Variants in HPS5 observed in about 807,000 individuals in gnomAD.
HPS5 encodes the protein HPS5 biogenesis of lysosomal organelles complex 2 subunit 2.
In HPS5, 83 loss-of-function variants were observed where a neutral mutation model predicts 128.0. The observed-to-expected ratio is 0.65, with a 90% confidence interval of 0.54 to 0.78. The LOEUF is 0.78. HPS5 is among the 30% of genes least tolerant of loss of function. The pLI is 0.00. For missense variants in HPS5, 1,281 were observed against 1,326.2 expected (o/e 0.97, Z 0.53); for synonymous variants, 475 against 470.2 (o/e 1.01, Z -0.13).
intron 7 of HPS5, among the ~76,000 whole-genome samples, chr11:18,305,751 G>C (rs1253162439): frequency 1.5e-5 from 1 of 66,918 alleles, no homozygotes; most frequent in African/African-American, 5.7e-5. Flanking sequence ...TTTTTTTTTT[G>C]AGACGGAGTC....
At chr11:18,288,665 AG>A (rs1158621565) in intron 16 of HPS5, among the ~76,000 whole-genome samples, 1 of 151,754 alleles carries the variant, frequency 6.6e-6, no homozygotes, top group Non-Finnish European at 1.5e-5. Context: ...TTAGTTTTTT[AG>A]AAACAGGGTC....
At chr11:18,290,836 C>T (rs1319947223) in intron 16 of HPS5, among the ~76,000 whole-genome samples, 3 of 152,160 alleles carry the variant, frequency 2.0e-5, no homozygotes, top group African/African-American at 7.2e-5. Context: ...GCAGGAGGAT[C>T]GCTTGAACCC....
intron 8 of HPS5, among the ~76,000 whole-genome samples, chr11:18,303,946 G>T (rs2134408984): frequency 6.6e-6 from 1 of 151,554 alleles, no homozygotes; most frequent in East Asian, 1.9e-4. Context: ...TCTATCATGT[G>T]CCAGGCATTA....
chr11:18,295,475 G>T (rs1306550085), intron 13 of HPS5, among the ~76,000 whole-genome samples: 5 of 152,168 alleles, frequency 3.3e-5, no homozygotes, highest in Non-Finnish European at 7.3e-5. Context: ...GTGATCATCA[G>T]CCCCATTCTG....
chr11:18,319,135 T>G (rs1364734608), intron 1 of HPS5, among the ~76,000 whole-genome samples: 2 of 152,100 alleles, frequency 1.3e-5, no homozygotes, highest in African/African-American at 4.8e-5. Context: ...CTTCCCTCAT[T>G]GTTTTCACTC....
chr11:18,293,900 G>A (rs1403993976), intron 14 of HPS5, among the ~76,000 whole-genome samples: 1 of 151,702 alleles, frequency 6.6e-6, no homozygotes, highest in Non-Finnish European at 1.5e-5. Flanking sequence ...ATAGAAGGCT[G>A]CATTAAATGC....
intron 3 of HPS5, 68 bp from the exon 4 acceptor site, chr11:18,311,519 T>TTTC: frequency 1.1e-6 from 1 of 935,036 alleles, no homozygotes; most frequent in East Asian, 3.3e-5. Context: ...TTATTTTTTT[T>TTTC]TTTTTTTTTG....
At chr11:18,306,462 T>G in intron 6 of HPS5, 115 bp from the exon 7 acceptor site, 1 of 691,006 alleles carries the variant, frequency 1.4e-6, no homozygotes, top group South Asian at 1.6e-5. Flanking sequence ...TCTCCTTCAT[T>G]CATATTAGCA....
chr11:18,297,416 C>T (rs1014615020), intron 11 of HPS5, 143 bp downstream of exon 11: 2 of 708,406 alleles, frequency 2.8e-6, no homozygotes, highest in East Asian at 5.3e-5. Flanking sequence ...AGCTGAGCCA[C>T]TAGCTGAACA....
intron 8 of HPS5, among the ~76,000 whole-genome samples, 165 bp from the exon 9 acceptor site, chr11:18,301,081 A>G (rs183672021): frequency 6.6e-6 from 1 of 152,326 alleles, no homozygotes; most frequent in East Asian, 1.9e-4. Context: ...TTCTGTCTGT[A>G]ACAACAGCCC....
intron 3 of HPS5, 62 bp from the exon 4 acceptor site, chr11:18,311,513 T>TTA (rs1554944921): frequency 3.9e-5 from 24 of 608,532 alleles, no homozygotes; most frequent in Non-Finnish European, 5.8e-5. Context: ...TTATTATTAT[T>TTA]TTTTTTTTTT....
rs1343963428 is a variant in HPS5, at chr11:18,296,790, T to C, written c.1510+8A>G. 5.0e-6 allele frequency: 8 copies of C among 1,613,444 alleles called. No individual in the cohort carries two copies. The Admixed American group carries it at 8.3e-5, about 17-fold the overall frequency. ...ACATCAGGAACCAACAACAGACACATTCATCACCTTCATTTCCGTGTGAGC... is the reference window on the plus strand; with the variant it reads ...ACATCAGGAACCAACAACAGACACACTCATCACCTTCATTTCCGTGTGAGC... On this transcript the variant is annotated splice_region_variant and intron_variant, in intron 12 of 22. Coordinates refer to ENST00000349215, the MANE Select transcript of HPS5 (RefSeq NM_181507.2).
rs1288042639 is a variant in HPS5 at position 18,295,028 on chromosome 11, T to C, written c.1776A>G (p.Glu592=). 6.2e-7 allele frequency: 1 copy of C among 1,614,034 alleles called. No individual in the cohort carries two copies. Among genetic ancestry groups the C allele is most frequent in the Non-Finnish European group, 8.5e-7 (1 of 1,180,014 alleles). Residue 592 remains glutamate, a synonymous_variant, in exon 14 of 23, where the codon GAA becomes GAG. Transcript: ENST00000349215. ...TATGTGTAAGGGCTTACTCAGTGTC[T>C]TCCTCCTTTGGGCAGGTATCTGAAC... ...DVSSDTCPKE[E]DTEEEKEVTS...
At chr11:18,280,050 C>G in intron 22 of HPS5, 108 bp from the exon 23 acceptor site, 1 of 1,143,350 alleles carries the variant, frequency 8.7e-7, no homozygotes, top group South Asian at 1.3e-5. Context: ...TTGACTGATT[C>G]TGTGCATTAA....
chr11:18,321,662 G>A (rs4150526), intron 1 of HPS5, among the ~76,000 whole-genome samples: 110,412 of 152,068 alleles, frequency 0.73, 40,513 homozygotes, highest in East Asian at 0.97. Context: ...GGTGCGTGGA[G>A]GAAGAGGAGA....
chr11:18,297,469 A>C, intron 11 of HPS5, 90 bp downstream of exon 11: 22 of 1,161,924 alleles, frequency 1.9e-5, no homozygotes, highest in Non-Finnish European at 2.6e-5. Context: ...TGGAAAGGAC[A>C]ACAAATTTGG....
chr11:18,297,065 C>A, intron 11 of HPS5, 81 bp from the exon 12 acceptor site: 1 of 886,738 alleles, frequency 1.1e-6, no homozygotes, highest in Non-Finnish European at 1.8e-6. Context: ...AGAGAAATAC[C>A]AACACTCAAA....
At position 18,311,446 on chromosome 11, in the gene HPS5, A is replaced by G. The variant is rs1862979528; in HGVS notation, c.225T>C (p.Gly75=). Residue 75 remains glycine, a synonymous_variant, in exon 4 of 23, where the codon GGT becomes GGC. Transcript: ENST00000349215. ...KHRLFLSHRE[G]AISQVACCLH... ...AACAACAGGCGACTTGAGAAATTGC[A>G]CCTTCCTAGAGCACAAAAGAAAATA... 1 of 1,596,622 alleles carries G rather than the reference A, an allele frequency of 6.3e-7. No homozygotes were observed. Among genetic ancestry groups the G allele is most frequent in the African/African-American group, 1.3e-5 (1 of 74,502 alleles).
chr11:18,301,064 A>C (rs1861643951), intron 8 of HPS5, 148 bp from the exon 9 acceptor site: 1 of 668,044 alleles, frequency 1.5e-6, no homozygotes, highest in Middle Eastern at 2.5e-4. Flanking sequence ...GAGTCCTAAC[A>C]ACTCCTTTCT....
Sources: gnomAD v4.1 joint callset for allele counts (sites outside exome capture counted in the v4.1 genomes callset) on GRCh38, gnomAD v4.1.1 for gene constraint, MANE v1.5 for transcripts, NCBI Gene and HGNC (gene_info 2026-07-23, HGNC 2026-07-21) for gene names.